The following SELENOT variants were observed in gnomAD, a reference collection of about 807,000 sequenced individuals.
The protein encoded by SELENOT is thioredoxin reductase-like selenoprotein T.
SELENOT carries 9 observed loss-of-function variants against 24.3 expected under a neutral mutation model. That is an observed-to-expected ratio of 0.37 (90% CI 0.22 to 0.65). The LOEUF is 0.65. Ranked by LOEUF, SELENOT falls within the 30% of genes least tolerant of loss-of-function variation. SELENOT has a pLI of 0.60. For synonymous variants in SELENOT, 81 were observed against 86.0 expected, an observed-to-expected ratio of 0.94 and a Z score of 0.32; for missense variants, 166 against 247.6, an observed-to-expected ratio of 0.67 and a Z score of 2.21.
chr3:150,609,208 C>T (rs1726031210), intron 1 of SELENOT, among the ~76,000 whole-genome samples: 1 of 152,152 alleles, frequency 6.6e-6, no homozygotes, highest in African/African-American at 2.4e-5. Flanking sequence ...GTTTTGAATA[C>T]ACTGCGCCAT....
Position 150,623,026 on chromosome 3 carries a change from T to C in SELENOT, c.249-17T>C. The C allele has an allele frequency of 6.6e-7, 1 of 1,503,998 alleles. No individual in the cohort carries two copies. Among genetic ancestry groups the C allele is most frequent in the Non-Finnish European group, 8.9e-7 (1 of 1,125,898 alleles). The allele number at this position is 1,503,998 out of a possible 1,614,324, so 93.2% of individuals were successfully genotyped here. ...AAATTGTGGCTTCTGATGATTTTCT[T>C]TCTTTTCTTTTGATAGACACATAGC... On this transcript the variant is annotated splice_polypyrimidine_tract_variant and intron_variant, in intron 2 of 5. Transcript: ENST00000471696.
At chr3:150,604,138 G>A (rs1576528420) in intron 1 of SELENOT, among the ~76,000 whole-genome samples, 1 of 152,204 alleles carries the variant, frequency 6.6e-6, no homozygotes, top group Non-Finnish European at 1.5e-5. Context: ...GGAGCACGTT[G>A]TTCTTCTAAA....
At chr3:150,620,652 C>CTAT in intron 1 of SELENOT, among the ~76,000 whole-genome samples, 1 of 152,158 alleles carries the variant, frequency 6.6e-6, no homozygotes, top group Non-Finnish European at 1.5e-5. Context: ...CTATAAAATA[C>CTAT]AAGTTTTGAC....
intron 1 of SELENOT, among the ~76,000 whole-genome samples, chr3:150,617,206 C>G (rs1031957336): frequency 6.6e-6 from 1 of 152,112 alleles, no homozygotes; most frequent in African/African-American, 2.4e-5. Flanking sequence ...AGTCTGTGTT[C>G]CTTTTTTTCT....
At chr3:150,624,943 TTTATA>T (rs1726410002) in intron 4 of SELENOT, 44 bp downstream of exon 4, 2 of 1,057,668 alleles carry the variant, frequency 1.9e-6, no homozygotes. Flanking sequence ...TTTTAAATGA[TTTATA>T]ATGAGTATCA....
At chr3:150,619,082 G>A (rs536709022) in intron 1 of SELENOT, among the ~76,000 whole-genome samples, 1 of 152,184 alleles carries the variant, frequency 6.6e-6, no homozygotes, top group South Asian at 2.1e-4. Flanking sequence ...TTAGCCGGGT[G>A]TGGTGGTGGG....
intron 1 of SELENOT, chr3:150,611,436 T>G: frequency 1.6e-6 from 2 of 1,263,098 alleles, no homozygotes; most frequent in Non-Finnish European, 2.3e-6. Context: ...TTAAGTGTCT[T>G]TTGTATCTCC....
chr3:150,623,517 A>G (rs1246686679), intron 3 of SELENOT, among the ~76,000 whole-genome samples: 1 of 152,112 alleles, frequency 6.6e-6, no homozygotes, highest in African/African-American at 2.4e-5. Context: ...AGGCCTTTTA[A>G]ACCAATTAAT....
intron 1 of SELENOT, among the ~76,000 whole-genome samples, chr3:150,615,642 G>A (rs971340552): frequency 1.5e-3 from 234 of 152,236 alleles, no homozygotes; most frequent in Non-Finnish European, 2.7e-3. Context: ...CAACTTACAA[G>A]GGATGTGAAG....
intron 1 of SELENOT, among the ~76,000 whole-genome samples, chr3:150,613,069 T>C (rs1726131171): frequency 6.6e-6 from 1 of 152,218 alleles, no homozygotes; most frequent in African/African-American, 2.4e-5. Flanking sequence ...TGAGCAGAAT[T>C]AGACATAAAA....
chr3:150,613,270 A>G (rs941871498), intron 1 of SELENOT, among the ~76,000 whole-genome samples: 3 of 152,312 alleles, frequency 2.0e-5, no homozygotes, highest in South Asian at 4.1e-4. Context: ...AGGTGATTGA[A>G]CTTGCAGCCT....
chr3:150,611,748 C>T, intron 1 of SELENOT: 1 of 1,430,314 alleles, frequency 7.0e-7, no homozygotes, highest in Non-Finnish European at 9.7e-7. Flanking sequence ...CTGGCCGCCC[C>T]CAGGGGCCCA....
At chr3:150,606,707 C>G (rs62284028) in intron 1 of SELENOT, among the ~76,000 whole-genome samples, 3,795 of 152,112 alleles carry the variant, frequency 0.025, 62 homozygotes, top group Non-Finnish European at 0.04. Flanking sequence ...ATTCTCATGC[C>G]TCAGCCTCCT....
At chr3:150,604,378 A>G (rs1725910709) in intron 1 of SELENOT, among the ~76,000 whole-genome samples, 1 of 152,120 alleles carries the variant, frequency 6.6e-6, no homozygotes, top group South Asian at 2.1e-4. Context: ...AAGATGGGGG[A>G]AAAAACACCA....
chr3:150,608,026 T>G (rs955750595), intron 1 of SELENOT, among the ~76,000 whole-genome samples: 2 of 152,206 alleles, frequency 1.3e-5, no homozygotes, highest in Non-Finnish European at 2.9e-5. Context: ...CTTTATGTGG[T>G]AAATTTAACA....
intron 2 of SELENOT, among the ~76,000 whole-genome samples, chr3:150,622,734 A>G (rs1358849045): frequency 2.0e-5 from 3 of 152,074 alleles, no homozygotes; most frequent in Non-Finnish European, 4.4e-5. Context: ...TTTCATATGT[A>G]TTTTTAATTG....
intron 4 of SELENOT, 88 bp from the exon 5 acceptor site, chr3:150,626,922 G>A: frequency 2.2e-6 from 3 of 1,368,032 alleles, no homozygotes; most frequent in Non-Finnish European, 3.0e-6. Context: ...TCCCAGTTGT[G>A]TACATAGATG....
At chr3:150,611,355 A>G (rs538450217) in intron 1 of SELENOT, 1 of 1,187,654 alleles carries the variant, frequency 8.4e-7, no homozygotes, top group East Asian at 2.4e-5. Flanking sequence ...CACTCACTGG[A>G]ATAGACCTAA....
At chr3:150,623,000 G>T in intron 2 of SELENOT, 43 bp from the exon 3 acceptor site, 1 of 1,469,866 alleles carries the variant, frequency 6.8e-7, no homozygotes, top group Non-Finnish European at 9.0e-7. Context: ...AAGTAGATTG[G>T]AAATTGTGGC....
Sources: gnomAD v4.1 joint callset for allele counts (sites outside exome capture counted in the v4.1 genomes callset) on GRCh38, gnomAD v4.1.1 for gene constraint, MANE v1.5 for transcripts, NCBI Gene and HGNC (gene_info 2026-07-23, HGNC 2026-07-21) for gene names.